The following ADGRL1 variants were observed in gnomAD, a reference collection of about 807,000 sequenced individuals.
ADGRL1 encodes the protein adhesion G protein-coupled receptor L1, also known as CIRL-1.
In ADGRL1, 31 loss-of-function variants were observed where a neutral mutation model predicts 148.9. The observed-to-expected ratio is 0.21, with a 90% CI of 0.16 to 0.28. ADGRL1 has a LOEUF of 0.28. ADGRL1 is among the 10% of genes least tolerant of loss of function. The pLI is 1.00. For missense variants in ADGRL1, 1,521 were observed against 2,058.8 expected (o/e 0.74, Z 5.05); for synonymous variants, 937 against 900.3 (o/e 1.04, Z -0.73).
Position 14,149,140 on chromosome 19 carries a change from GC to G in ADGRL1, c.*1732del. On this transcript the variant is annotated 3_prime_UTR_variant, in exon 23 of 23. Coordinates refer to ENST00000361434, the MANE Select transcript of ADGRL1 (RefSeq NM_014921.5). ...CTGCCCCTAGAGTTGAGGGAAGGGG[GC>G]TGGGGAGGCTGGCCTGACAGGCTGG... 1 of 152,602 alleles carries G rather than the reference GC, an allele frequency of 6.6e-6. No individual in the cohort carries two copies. Among genetic ancestry groups the G allele is most frequent in the Non-Finnish European group, 1.5e-5 (1 of 68,294 alleles). 9.5% of individuals were successfully genotyped at this position (152,602 alleles called of 1,614,324 possible).
chr19:14,170,374 C>T (rs1010436601), intron 4 of ADGRL1: 1 of 243,584 alleles, frequency 4.1e-6, no homozygotes, highest in Non-Finnish European at 8.0e-6. Flanking sequence ...GAGCACGGGA[C>T]CATGGCCTGG....
chr19:14,182,661 G>A (rs951296110), intron 2 of ADGRL1, among the ~76,000 whole-genome samples: 2 of 152,204 alleles, frequency 1.3e-5, no homozygotes, highest in African/African-American at 4.8e-5. Flanking sequence ...AGGGAGGGCC[G>A]GGGGTGGAAG....
rs1243825671 is a variant in ADGRL1 at position 14,162,410 on chromosome 19, G to A, written c.1195+196C>T. On this transcript the variant is annotated intron_variant, in intron 5 of 22. Transcript: ENST00000361434. The surrounding 1 kb of genome is among the most constrained non-coding windows in gnomAD (Gnocchi z 5.4). ...AAAACAGGGCAGTAAGGATCCCTGT[G>A]TCATAGACCGTGAGGAGACGAGTTA... Among the ~76,000 whole-genome samples, 1 of 152,202 alleles carries A rather than the reference G, an allele frequency of 6.6e-6. No individual in the cohort carries two copies. Among genetic ancestry groups the A allele is most frequent in the African/African-American group, 2.4e-5 (1 of 41,434 alleles).
rs1331223965 is a variant in ADGRL1, at chr19:14,160,277, C to T, written c.1635G>A (p.Ala545=). Residue 545 remains alanine (A), a synonymous_variant, in exon 8 of 23, where the codon GCG becomes GCA. Transcript: ENST00000361434. This position sits in a 1 kb window ranked among gnomAD's most constrained non-coding sequence, Gnocchi z 5.9. ...GGGCCAGCTCGCTGGCGATGTTGGC[C>T]GCGTTCTCCCCACTCTTGATCTGCA... is the stretch of plus-strand genomic sequence containing the variant. The part of the protein sequence containing the change: ...VAQKIKSGEN[A]ANIASELARH... The T allele has an allele frequency of 7.5e-6, 12 of 1,591,736 alleles. No homozygotes were observed. The highest frequency in any genetic ancestry group is 6.8e-5 in the East Asian group (3 of 44,180).
Position 14,162,848 on chromosome 19 carries a change from C to T in ADGRL1, c.953G>A (p.Gly318Glu). ...CACGGAACGCAGGACGTACAGGACC[C>T]CACACACCATGAAGGCGTTGGATGC... ...RSASNAFMVCGVLYVLRSVYV... is the reference protein window; with the variant it reads ...RSASNAFMVCEVLYVLRSVYV... Residue 318 changes from glycine (G) to glutamate (E), a missense_variant, in exon 5 of 23, where the codon GGG becomes GAG. Gly to Glu is a moderately conservative substitution (Grantham distance 98, BLOSUM62 -2). This residue lies in a region of ADGRL1 where 334 missense variants were observed against 512.5 expected (regional missense o/e 0.65). Transcript: ENST00000361434. This position sits in a 1 kb window ranked among gnomAD's most constrained non-coding sequence, Gnocchi z 5.4. The T allele has an allele frequency of 6.2e-7, 1 of 1,614,038 alleles. No homozygotes were observed. The highest frequency in any genetic ancestry group is 8.5e-7 in the Non-Finnish European group (1 of 1,179,992).
In ADGRL1 at chr19:14,177,757, T is replaced by TTGGGGATGGTGTCACTCC. The variant is rs775755602; in HGVS notation, c.71-31_71-14dup. The TTGGGGATGGTGTCACTCC allele has an allele frequency of 6.2e-7, 1 of 1,604,794 alleles. No individual in the cohort carries two copies. Among genetic ancestry groups the TTGGGGATGGTGTCACTCC allele is most frequent in the African/African-American group, 1.3e-5 (1 of 74,836 alleles). On this transcript the variant is annotated splice_polypyrimidine_tract_variant and intron_variant, in intron 2 of 22. Coordinates refer to ENST00000361434, the MANE Select transcript of ADGRL1 (RefSeq NM_014921.5). ...GCCCGGCTCAGGCCTGCAGGGAGGG[T>TTGGGGATGGTGTCACTCC]TGGGGATGGTGTCACTCCTGGGCCT...
rs71172403 is a variant in ADGRL1 at position 14,183,212 on chromosome 19, A to AGAGAGAGAGAGAGAGAGAGC, written c.70+320_70+321insGCTCTCTCTCTCTCTCTCTC. Among the ~76,000 whole-genome samples, 112 of 151,162 alleles carry AGAGAGAGAGAGAGAGAGAGC rather than the reference A, an allele frequency of 7.4e-4. 1 individual carries two copies. Among genetic ancestry groups the AGAGAGAGAGAGAGAGAGAGC allele is most frequent in the Admixed American group, 2.6e-3 (40 of 15,170 alleles). On this transcript the variant is annotated intron_variant, in intron 2 of 22. Transcript: ENST00000361434. ...TAATCACAGAGAGAGAGAGAGAGAG[A>AGAGAGAGAGAGAGAGAGAGC]GAGAGCGAGAGAGAGACAGAGAGAG... is the stretch of plus-strand genomic sequence containing the variant.
chr19:14,188,775 CT>C (rs748188794), intron 1 of ADGRL1, among the ~76,000 whole-genome samples: 3 of 152,078 alleles, frequency 2.0e-5, no homozygotes, highest in Non-Finnish European at 4.4e-5. Context: ...GCACCACCTC[CT>C]TTTTTTTCTT....
At chr19:14,156,834 AG>A (rs1968812633) in intron 15 of ADGRL1, 90 bp downstream of exon 15, 2 of 1,528,290 alleles carry the variant, frequency 1.3e-6, no homozygotes, top group Non-Finnish European at 1.8e-6. Flanking sequence ...AGGAGGAGGA[AG>A]GGACTACCGC....
intron 3 of ADGRL1, among the ~76,000 whole-genome samples, chr19:14,174,830 C>T (rs1970708187): frequency 6.8e-6 from 1 of 146,460 alleles, no homozygotes; most frequent in Admixed American, 6.9e-5. Flanking sequence ...AACACTGCAC[C>T]TGGTCTGTTT....
At position 14,202,255 on chromosome 19, in the gene ADGRL1, G is replaced by GT. The variant is rs113347585; in HGVS notation, c.-96+3729dup. ...GGAGAGTTTTGCTTTTTTGTTTTGG[G>GT]TTTTTTTTTTTTATTGAGAATGAGT... On this transcript the variant is annotated intron_variant, in intron 1 of 22. Transcript: ENST00000361434. Among the ~76,000 whole-genome samples, 1,325 of 145,068 alleles carry GT rather than the reference G, an allele frequency of 9.1e-3. 6 individuals are homozygous for GT. Among genetic ancestry groups the GT allele is most frequent in the East Asian group, 9.3e-3 (47 of 5,050 alleles).
intron 18 of ADGRL1, among the ~76,000 whole-genome samples, chr19:14,154,020 C>T (rs979295624): frequency 1.3e-4 from 20 of 151,746 alleles, no homozygotes; most frequent in African/African-American, 4.1e-4. Flanking sequence ...AAGGTAAGAA[C>T]GGGGGCTGCA....
At chr19:14,168,412 G>A (rs1363271261) in intron 4 of ADGRL1, among the ~76,000 whole-genome samples, 2 of 152,020 alleles carry the variant, frequency 1.3e-5, no homozygotes, top group Non-Finnish European at 2.9e-5. Context: ...CATCCACCCC[G>A]TATGTGTGCA....
intron 2 of ADGRL1, among the ~76,000 whole-genome samples, chr19:14,183,196 A>ACT (rs1971323506): frequency 2.6e-5 from 2 of 75,620 alleles, no homozygotes; most frequent in Non-Finnish European, 5.9e-5. Context: ...GTAATCACAG[A>ACT]GAGAGAGAGA....
chr19:14,186,877 G>A (rs932724140), intron 1 of ADGRL1, among the ~76,000 whole-genome samples: 1 of 152,118 alleles, frequency 6.6e-6, no homozygotes, highest in Non-Finnish European at 1.5e-5. Flanking sequence ...GGGCTCAGCC[G>A]CAAGGTCACC....
At chr19:14,195,615 G>A (rs1685582466) in intron 1 of ADGRL1, among the ~76,000 whole-genome samples, 1 of 152,136 alleles carries the variant, frequency 6.6e-6, no homozygotes, top group African/African-American at 2.4e-5. Flanking sequence ...AGCCGCCCAT[G>A]AGCCCGCCTC....
chr19:14,158,076 G>A (rs1968951436), intron 12 of ADGRL1, 24 bp from the exon 13 acceptor site: 1 of 1,612,422 alleles, frequency 6.2e-7, no homozygotes. Flanking sequence ...GCACCAGGGT[G>A]TCATAACTAG....
intron 3 of ADGRL1, among the ~76,000 whole-genome samples, chr19:14,177,146 G>A (rs769939614): frequency 1.3e-5 from 2 of 152,178 alleles, no homozygotes; most frequent in Non-Finnish European, 2.9e-5. Context: ...CAGAAGAATC[G>A]CCTAAACCCA....
In ADGRL1 at chr19:14,147,954, A is replaced by C. The variant is rs1357616580; in HGVS notation, c.*2919T>G. ...GGAGGTGGGGAGGAGGCCCGAATGG[A>C]CAGAAAGTTGAGGATAAGAGAAGAG... On this transcript the variant is annotated 3_prime_UTR_variant, in exon 23 of 23. Transcript: ENST00000361434. The C allele has an allele frequency of 6.6e-6, 1 of 152,494 alleles. No homozygotes were observed. The highest frequency in any genetic ancestry group is 1.5e-5 in the Non-Finnish European group (1 of 68,082). The allele number at this position is 152,494 out of a possible 1,614,324, so 9.4% of individuals were successfully genotyped here.
Sources: gnomAD v4.1 joint callset for allele counts (sites outside exome capture counted in the v4.1 genomes callset) on GRCh38, gnomAD v4.1.1 for gene constraint, gnomAD v4.1.1 regional missense constraint, Gnocchi (gnomAD v3.1) non-coding constraint, MANE v1.5 for transcripts, NCBI Gene and HGNC (gene_info 2026-07-23, HGNC 2026-07-21) for gene names.